SEMA6D: variants seen among roughly 807,000 people sequenced by gnomAD.
SEMA6D encodes semaphorin-6D.
A neutral mutation model predicts 106.6 loss-of-function variants in SEMA6D; 35 were observed. That is an observed-to-expected ratio of 0.33 (90% CI 0.25 to 0.44). SEMA6D has a LOEUF of 0.44. Among genes scored for constraint, SEMA6D ranks in the 20% least tolerant of loss-of-function variants. SEMA6D has a pLI of 1.00. For missense variants in SEMA6D, 1,185 were observed against 1,345.9 expected (o/e 0.88, Z 1.87); for synonymous variants, 499 against 487.7 (o/e 1.02, Z -0.31).
intron 1 of SEMA6D, among the ~76,000 whole-genome samples, chr15:47,301,045 C>T (rs1245459782): frequency 1.3e-5 from 2 of 152,198 alleles, no homozygotes; most frequent in Non-Finnish European, 2.9e-5. Flanking sequence ...GCAGCATAGA[C>T]TGTGGGTATA....
intron 1 of SEMA6D, among the ~76,000 whole-genome samples, chr15:47,385,045 A>C (rs1228623344): frequency 1.1e-5 from 1 of 94,358 alleles, no homozygotes; most frequent in Non-Finnish European, 2.3e-5. Flanking sequence ...CTGGACTGTA[A>C]TTTTTTTTTT....
In SEMA6D at chr15:47,771,486, T is replaced by C; in HGVS notation, c.2923T>C (p.Ser975Pro). The C allele has an allele frequency of 6.2e-7, 1 of 1,614,102 alleles. No individual in the cohort carries two copies. The highest frequency in any genetic ancestry group is 2.2e-5 in the East Asian group (1 of 44,866). Residue 975 changes from serine (S) to proline (P), a missense_variant, in exon 19 of 19, where the codon TCT becomes CCT. Transcript: ENST00000536845. ...AAATTCCTCCCAGAGGCACTCTATA[T>C]CTGCTATGCCTAAAAACTTAAACTC... ...HKNSSQRHSI[S>P]AMPKNLNSPN... is the part of the protein sequence containing the mutation.
chr15:47,702,400 C>A (rs1288551307), intron 4 of SEMA6D, among the ~76,000 whole-genome samples: 2 of 152,324 alleles, frequency 1.3e-5, no homozygotes, highest in East Asian at 3.9e-4. Context: ...GCAACAGGAA[C>A]TTTCATGCAT....
chr15:47,651,664 G>C (rs2077694536), intron 4 of SEMA6D, among the ~76,000 whole-genome samples: 1 of 152,218 alleles, frequency 6.6e-6, no homozygotes, highest in African/African-American at 2.4e-5. Context: ...TTCTGGGTCA[G>C]ACCTGATTCA....
chr15:47,733,511 G>A (rs2080263451), intron 1 of SEMA6D, among the ~76,000 whole-genome samples: 3 of 152,096 alleles, frequency 2.0e-5, no homozygotes, highest in East Asian at 3.9e-4. Flanking sequence ...CATTGAATAC[G>A]AGTCTTGTTC....
chr15:47,531,147 A>G (rs2044946968), intron 3 of SEMA6D, among the ~76,000 whole-genome samples: 2 of 152,362 alleles, frequency 1.3e-5, no homozygotes, highest in Non-Finnish European at 2.9e-5. Context: ...TCAAAGACAT[A>G]TATCTTTATA....
At chr15:47,495,961 A>C (rs907630169) in intron 3 of SEMA6D, among the ~76,000 whole-genome samples, 6 of 152,106 alleles carry the variant, frequency 3.9e-5, no homozygotes, top group Non-Finnish European at 5.9e-5. Flanking sequence ...TTGTTAAACT[A>C]ATCAATATTT....
At chr15:47,652,609 A>G (rs549285711) in intron 4 of SEMA6D, among the ~76,000 whole-genome samples, 1 of 152,304 alleles carries the variant, frequency 6.6e-6, no homozygotes, top group Admixed American at 6.5e-5. Context: ...CCTTGGGGGC[A>G]TTATTTAGTC....
chr15:47,734,967 T>G (rs2080357480), intron 1 of SEMA6D, among the ~76,000 whole-genome samples: 1 of 152,210 alleles, frequency 6.6e-6, no homozygotes, highest in South Asian at 2.1e-4. Flanking sequence ...TCTGCTCATT[T>G]CATTTGGATC....
At chr15:47,696,169 G>C (rs553961424) in intron 4 of SEMA6D, among the ~76,000 whole-genome samples, 2 of 152,182 alleles carry the variant, frequency 1.3e-5, no homozygotes, top group East Asian at 3.9e-4. Context: ...CCAAGATTTT[G>C]TTAGGGACTG....
intron 3 of SEMA6D, among the ~76,000 whole-genome samples, chr15:47,590,510 C>T (rs1434777942): frequency 6.9e-6 from 1 of 145,536 alleles, no homozygotes; most frequent in Non-Finnish European, 1.5e-5. Context: ...GCACATATAC[C>T]CTAGAACTTA....
chr15:47,538,745 C>A (rs2045258128), intron 3 of SEMA6D, among the ~76,000 whole-genome samples: 1 of 151,988 alleles, frequency 6.6e-6, no homozygotes, highest in South Asian at 2.1e-4. Flanking sequence ...AACAAATAAC[C>A]TTTCCAGAAT....
intron 1 of SEMA6D, among the ~76,000 whole-genome samples, chr15:47,751,697 G>A (rs2081446067): frequency 6.6e-6 from 1 of 152,132 alleles, no homozygotes; most frequent in Non-Finnish European, 1.5e-5. Flanking sequence ...AAATTAAACT[G>A]GAGTCCAAAA....
At chr15:47,472,578 C>T (rs2042883924) in intron 3 of SEMA6D, among the ~76,000 whole-genome samples, 2 of 152,144 alleles carry the variant, frequency 1.3e-5, no homozygotes, top group Admixed American at 1.3e-4. Context: ...GCCTCCATCT[C>T]TTATAATCTA....
intron 2 of SEMA6D, among the ~76,000 whole-genome samples, chr15:47,423,623 C>T (rs1424687185): frequency 4.0e-5 from 6 of 150,644 alleles, no homozygotes; most frequent in Admixed American, 3.3e-4. Flanking sequence ...TTTTTTTTTT[C>T]CTCAAGTGAA....
intron 4 of SEMA6D, among the ~76,000 whole-genome samples, chr15:47,695,661 GT>G (rs1407051261): frequency 6.6e-6 from 1 of 152,096 alleles, no homozygotes; most frequent in Non-Finnish European, 1.5e-5. Context: ...CATAATATTT[GT>G]TATCTAACAA....
At chr15:47,751,093 G>C (rs957909776) in intron 1 of SEMA6D, among the ~76,000 whole-genome samples, 6 of 152,068 alleles carry the variant, frequency 3.9e-5, no homozygotes, top group Non-Finnish European at 7.4e-5. Context: ...TACCACACAT[G>C]GAAGGTGAAA....
intron 1 of SEMA6D, among the ~76,000 whole-genome samples, chr15:47,375,434 C>T (rs1051074017): frequency 2.0e-5 from 3 of 152,188 alleles, no homozygotes; most frequent in African/African-American, 7.2e-5. Context: ...GTCTCCTCCT[C>T]CTTTCTCATG....
intron 1 of SEMA6D, among the ~76,000 whole-genome samples, chr15:47,296,138 T>C (rs1209363765): frequency 6.6e-6 from 1 of 152,220 alleles, no homozygotes. Flanking sequence ...GCTCCTTTCC[T>C]CTACCTTCCA....
Sources: allele counts gnomAD v4.1 joint callset (sites outside exome capture counted in the v4.1 genomes callset), GRCh38; gene constraint gnomAD v4.1.1; transcripts MANE v1.5; gene names NCBI Gene and HGNC (gene_info 2026-07-23, HGNC 2026-07-21).